Variants in USP47 observed in about 807,000 individuals in gnomAD.
USP47 encodes ubiquitin carboxyl-terminal hydrolase 47.
Under a neutral mutation model 165.1 loss-of-function variants are expected in USP47, and 35 were observed. That is an observed-to-expected ratio of 0.21 (90% CI 0.16 to 0.28). The LOEUF is 0.28. Among genes scored for constraint, USP47 ranks in the 10% least tolerant of loss-of-function variants. The pLI, the probability that USP47 is intolerant of heterozygous loss-of-function variation, is 1.00. For missense variants in USP47, 1,277 were observed against 1,607.4 expected, an observed-to-expected ratio of 0.79 and a Z score of 3.52; for synonymous variants, 531 against 544.5, an observed-to-expected ratio of 0.98 and a Z score of 0.35.
At chr11:11,940,287 A>G (rs1345752878) in intron 18 of USP47, 142 bp from the exon 19 acceptor site, 9 of 834,644 alleles carry the variant, frequency 1.1e-5, no homozygotes, top group African/African-American at 1.8e-5. Flanking sequence ...CAATTATTCA[A>G]AAATTTTAAA....
chr11:11,900,049 A>G (rs1852102015), intron 5 of USP47, among the ~76,000 whole-genome samples: 1 of 152,122 alleles, frequency 6.6e-6, no homozygotes, highest in Admixed American at 6.5e-5. Flanking sequence ...GAGTAGAGCT[A>G]GCGTAAAAGG....
At chr11:11,940,662 T>C in intron 19 of USP47, 114 bp downstream of exon 19, 1 of 1,196,468 alleles carries the variant, frequency 8.4e-7, no homozygotes, top group Non-Finnish European at 1.2e-6. Flanking sequence ...TGGAACTTAA[T>C]TTAAAATTCT....
chr11:11,899,105 A>G (rs1039132933), intron 5 of USP47, among the ~76,000 whole-genome samples: 14 of 152,118 alleles, frequency 9.2e-5, no homozygotes, highest in African/African-American at 3.4e-4. Context: ...GCCAATAAGC[A>G]CAGTGTGTTG....
chr11:11,925,887 A>G (rs1269934406), intron 11 of USP47, among the ~76,000 whole-genome samples: 1 of 152,086 alleles, frequency 6.6e-6, no homozygotes, highest in Non-Finnish European at 1.5e-5. Context: ...TTTTCATATA[A>G]GGCTTTCATT....
At chr11:11,885,903 C>G (rs2134340167) in intron 3 of USP47, among the ~76,000 whole-genome samples, 1 of 152,310 alleles carries the variant, frequency 6.6e-6, no homozygotes, top group South Asian at 2.1e-4. Context: ...GCCATCTTTG[C>G]TGTTTCACAG....
intron 1 of USP47, among the ~76,000 whole-genome samples, chr11:11,849,858 T>C (rs1334319479): frequency 6.6e-6 from 1 of 152,214 alleles, no homozygotes; most frequent in African/African-American, 2.4e-5. Flanking sequence ...TAAATGTTTT[T>C]TCTCCCCTCT....
At chr11:11,900,606 G>T (rs900554622) in intron 5 of USP47, among the ~76,000 whole-genome samples, 4 of 152,168 alleles carry the variant, frequency 2.6e-5, no homozygotes, top group Non-Finnish European at 5.9e-5. Context: ...AACCCCGGAG[G>T]AATCTGTTAT....
chr11:11,885,778 C>T (rs1455602600), intron 3 of USP47, among the ~76,000 whole-genome samples: 3 of 152,216 alleles, frequency 2.0e-5, no homozygotes, highest in Admixed American at 1.3e-4. Flanking sequence ...CAAGCTAAGA[C>T]CCACTGGCTT....
chr11:11,879,125 G>A (rs1202730859), intron 1 of USP47, among the ~76,000 whole-genome samples: 1 of 152,154 alleles, frequency 6.6e-6, no homozygotes. Context: ...ATTCGGGGTT[G>A]AAGGAATATA....
chr11:11,880,107 T>G, intron 1 of USP47, 70 bp from the exon 2 acceptor site: 1 of 1,070,294 alleles, frequency 9.3e-7, no homozygotes. Context: ...TCATAAAATT[T>G]TATAGCTAAT....
intron 18 of USP47, 41 bp from the exon 19 acceptor site, chr11:11,940,388 T>C: frequency 6.4e-7 from 1 of 1,551,448 alleles, no homozygotes; most frequent in Non-Finnish European, 8.7e-7. Context: ...AGCAGAATTA[T>C]TTTTGAAAGA....
At chr11:11,928,758 CATT>C (rs1348918061) in intron 11 of USP47, among the ~76,000 whole-genome samples, 2 of 151,936 alleles carry the variant, frequency 1.3e-5, no homozygotes, top group African/African-American at 4.8e-5. Flanking sequence ...AAAAATAAGT[CATT>C]ATAAATGACC....
At chr11:11,843,795 T>C (rs561863845) in intron 1 of USP47, among the ~76,000 whole-genome samples, 2 of 152,350 alleles carry the variant, frequency 1.3e-5, no homozygotes, top group South Asian at 4.1e-4. Flanking sequence ...ACATCTGTTG[T>C]GTAAAAAGTG....
intron 1 of USP47, among the ~76,000 whole-genome samples, chr11:11,879,820 A>G (rs1423172698): frequency 1.3e-5 from 2 of 152,044 alleles, no homozygotes; most frequent in Non-Finnish European, 2.9e-5. Context: ...GTAATGACAC[A>G]TTTTTTAAGG....
At chr11:11,895,730 T>C (rs1293705855) in intron 4 of USP47, among the ~76,000 whole-genome samples, 2 of 151,800 alleles carry the variant, frequency 1.3e-5, no homozygotes, top group African/African-American at 4.8e-5. Flanking sequence ...ACTAAATCCA[T>C]GATACCTGTC....
At chr11:11,899,782 G>T (rs1332843721) in intron 5 of USP47, among the ~76,000 whole-genome samples, 1 of 152,186 alleles carries the variant, frequency 6.6e-6, no homozygotes, top group Non-Finnish European at 1.5e-5. Flanking sequence ...AGGTCAAACA[G>T]AAAGGAAGGC....
intron 11 of USP47, among the ~76,000 whole-genome samples, chr11:11,924,302 T>C (rs1203922045): frequency 6.6e-6 from 1 of 152,244 alleles, no homozygotes; most frequent in Non-Finnish European, 1.5e-5. Flanking sequence ...TGTCTTTGCA[T>C]ACCTGGAATG....
At chr11:11,899,055 C>T (rs76186527) in intron 5 of USP47, among the ~76,000 whole-genome samples, 4,901 of 152,236 alleles carry the variant, frequency 0.032, 263 homozygotes, top group African/African-American at 0.11. Context: ...CTAGTAGATG[C>T]CAGGATTCAC....
In USP47 at chr11:11,922,815, A is replaced by G. The variant is rs1157997381; in HGVS notation, c.1310A>G (p.Asp437Gly). 2 of 1,611,864 alleles carry G rather than the reference A, an allele frequency of 1.2e-6. No homozygotes were observed. Among genetic ancestry groups the G allele is most frequent in the Non-Finnish European group, 1.7e-6 (2 of 1,178,548 alleles). Residue 437 changes from aspartate (D) to glycine (G), a missense_variant, in exon 11 of 28, where the codon GAT becomes GGT. This residue lies in a region of USP47 where 175 missense variants were observed against 295.8 expected (regional missense o/e 0.59). Transcript: ENST00000527733. ...CAGATGAGCAACGATTTCTCCAATG[A>G]TGATGGTGTTGATGAAGGAATCTGT... The part of the protein sequence containing the change: ...SDQMSNDFSN[D>G]DGVDEGICLE...
Sources: allele counts gnomAD v4.1 joint callset (sites outside exome capture counted in the v4.1 genomes callset), GRCh38; gene constraint gnomAD v4.1.1; regional missense constraint gnomAD v4.1.1; transcripts MANE v1.5; gene names NCBI Gene and HGNC (gene_info 2026-07-23, HGNC 2026-07-21).